Variants in TANC2 observed in about 807,000 individuals in gnomAD.
TANC2 encodes tetratricopeptide repeat, ankyrin repeat and coiled-coil containing 2.
A neutral mutation model predicts 210.5 loss-of-function variants in TANC2; 26 were observed. That is an observed-to-expected ratio of 0.12 (90% CI 0.09 to 0.17). TANC2 has a LOEUF of 0.17. Ranked by LOEUF, TANC2 falls within the 10% of genes least tolerant of loss-of-function variation. TANC2 has a pLI of 1.00. For synonymous variants in TANC2, 931 were observed against 967.1 expected, an observed-to-expected ratio of 0.96 and a Z score of 0.69; for missense variants, 2,129 against 2,608.9, an observed-to-expected ratio of 0.82 and a Z score of 4.01.
At chr17:63,137,530 T>C (rs2039132348) in intron 4 of TANC2, among the ~76,000 whole-genome samples, 1 of 152,228 alleles carries the variant, frequency 6.6e-6, no homozygotes, top group South Asian at 2.1e-4. Context: ...GTTGTAGTCA[T>C]TATAATGAAG....
intron 3 of TANC2, among the ~76,000 whole-genome samples, chr17:63,087,884 ATT>A (rs2037036059): frequency 6.6e-6 from 1 of 152,188 alleles, no homozygotes; most frequent in African/African-American, 2.4e-5. Flanking sequence ...AGCAGTTTAC[ATT>A]GTGACTTCCC....
Position 63,421,969 on chromosome 17 carries a change from G to C in TANC2, c.*14G>C, listed in dbSNP as rs745886886. The C allele has an allele frequency of 6.3e-7, 1 of 1,585,336 alleles. No individual in the cohort carries two copies. The highest frequency in any genetic ancestry group is 1.2e-5 in the South Asian group (1 of 85,522). Reference sequence around the variant, plus strand: ...TCTAATGTTTAAAAGACGTTTTGTTGGAGTGAGACCCATATGTTTTCACTG... The same window carrying C: ...TCTAATGTTTAAAAGACGTTTTGTTCGAGTGAGACCCATATGTTTTCACTG... On this transcript the variant is annotated 3_prime_UTR_variant, in exon 28 of 28. Coordinates refer to ENST00000689528, the Ensembl canonical transcript of TANC2. The surrounding 1 kb of genome is among the most constrained non-coding windows in gnomAD (Gnocchi z 6.9).
chr17:63,424,561 A>G (rs758886142), exon 28 of TANC2: 1 of 152,224 alleles, frequency 6.6e-6, no homozygotes, highest in Non-Finnish European at 1.5e-5. Flanking sequence ...GTTTCAGATG[A>G]AACTTACTCA....
chr17:63,033,554 C>G (rs1412338807), intron 2 of TANC2, among the ~76,000 whole-genome samples: 1 of 152,096 alleles, frequency 6.6e-6, no homozygotes, highest in Non-Finnish European at 1.5e-5. Flanking sequence ...GTTTTAGAAG[C>G]TCTGTGTCAG....
chr17:63,314,592 C>G, exon 10 of TANC2: 1 of 1,613,980 alleles, frequency 6.2e-7, no homozygotes, highest in Non-Finnish European at 8.5e-7. Flanking sequence ...GCCATCATCT[C>G]CAGACTGGTG....
At chr17:63,332,139 T>C in intron 11 of TANC2, 1 of 352,304 alleles carries the variant, frequency 2.8e-6, no homozygotes, top group Non-Finnish European at 5.6e-6. Flanking sequence ...AAAATCTTTG[T>C]GCTTCTTTAA....
intron 8 of TANC2, among the ~76,000 whole-genome samples, chr17:63,249,492 C>T (rs754497343): frequency 6.6e-6 from 1 of 152,126 alleles, no homozygotes; most frequent in Non-Finnish European, 1.5e-5. Context: ...TTGCTTGCAA[C>T]AGCTGTCGTC....
At chr17:62,970,986 GTTATA>G (rs1207717847) in intron 1 of TANC2, among the ~76,000 whole-genome samples, 2 of 151,956 alleles carry the variant, frequency 1.3e-5, no homozygotes, top group African/African-American at 4.8e-5. Flanking sequence ...ACTCAGCATT[GTTATA>G]TTTGCTTAAT....
intron 2 of TANC2, among the ~76,000 whole-genome samples, chr17:63,022,340 C>CA (rs71155967): frequency 0.65 from 89,701 of 137,984 alleles, 29,760 homozygotes; most frequent in East Asian, 0.91. Context: ...AACTCCATCT[C>CA]AAAAAAAAAA....
intron 14 of TANC2, among the ~76,000 whole-genome samples, chr17:63,367,614 A>G (rs1022530516): frequency 6.6e-6 from 1 of 152,184 alleles, no homozygotes; most frequent in Non-Finnish European, 1.5e-5. Context: ...AGAAGAGGTA[A>G]CATTAAAGTT....
intron 7 of TANC2, among the ~76,000 whole-genome samples, chr17:63,227,244 G>T (rs1434405935): frequency 6.6e-6 from 1 of 152,054 alleles, no homozygotes; most frequent in East Asian, 1.9e-4. Context: ...TCCTGTTTCT[G>T]CACAGCCTTG....
At chr17:63,330,199 G>A (rs2045789772) in intron 11 of TANC2, among the ~76,000 whole-genome samples, 1 of 152,176 alleles carries the variant, frequency 6.6e-6, no homozygotes, top group Admixed American at 6.5e-5. Flanking sequence ...AGAGAGGTGA[G>A]GAAGCTTCAG....
At chr17:63,224,992 A>G (rs1003565299) in intron 7 of TANC2, among the ~76,000 whole-genome samples, 2 of 151,984 alleles carry the variant, frequency 1.3e-5, no homozygotes, top group African/African-American at 4.8e-5. Flanking sequence ...TTTTCTGCCT[A>G]TTTTATTCCA....
chr17:63,261,306 T>G (rs1037897689), intron 8 of TANC2, among the ~76,000 whole-genome samples: 1 of 152,094 alleles, frequency 6.6e-6, no homozygotes, highest in Non-Finnish European at 1.5e-5. Flanking sequence ...AAGAAAACCT[T>G]GAGGTATCAT....
intron 8 of TANC2, among the ~76,000 whole-genome samples, chr17:63,250,241 G>A (rs961375563): frequency 2.6e-5 from 4 of 151,674 alleles, no homozygotes; most frequent in Admixed American, 6.6e-5. Context: ...ACCTGATTAT[G>A]TCTTATACTT....
chr17:63,238,621 A>G (rs1369238667), intron 8 of TANC2, among the ~76,000 whole-genome samples: 3 of 152,192 alleles, frequency 2.0e-5, no homozygotes, highest in Admixed American at 1.3e-4. Context: ...TACATTTCTA[A>G]AGAATAATTC....
At chr17:63,214,698 C>A (rs1365879107) in intron 7 of TANC2, among the ~76,000 whole-genome samples, 2 of 152,142 alleles carry the variant, frequency 1.3e-5, no homozygotes, top group African/African-American at 2.4e-5. Context: ...CCTAATCAAC[C>A]CCCAAAGGCC....
chr17:63,242,797 C>T (rs1335913642), intron 8 of TANC2, among the ~76,000 whole-genome samples: 1 of 152,066 alleles, frequency 6.6e-6, no homozygotes, highest in Non-Finnish European at 1.5e-5. Context: ...TTCTACTCAG[C>T]TACAGAGGGA....
intron 5 of TANC2, among the ~76,000 whole-genome samples, chr17:63,157,006 C>A (rs1046731642): frequency 6.6e-6 from 1 of 152,142 alleles, no homozygotes; most frequent in Non-Finnish European, 1.5e-5. Context: ...CTACTTTGAA[C>A]ATTTTTAGTT....
Sources: gnomAD v4.1 joint callset for allele counts (sites outside exome capture counted in the v4.1 genomes callset) on GRCh38, gnomAD v4.1.1 for gene constraint, Gnocchi (gnomAD v3.1) non-coding constraint, MANE v1.5 for transcripts, NCBI Gene and HGNC (gene_info 2026-07-23, HGNC 2026-07-21) for gene names.